PATJ: variants seen among roughly 807,000 people sequenced by gnomAD.
PATJ encodes PATJ crumbs cell polarity complex component.
A neutral mutation model predicts 224.9 loss-of-function variants in PATJ; 190 were observed. The ratio of observed to expected loss-of-function variants is 0.84; its 90% CI spans 0.75 to 0.95. The LOEUF (loss-of-function observed/expected upper bound fraction) is 0.95, where lower values mean the gene tolerates loss of function less well. PATJ is among the 40% of genes least tolerant of loss of function. The probability of loss-of-function intolerance (pLI) is 0.00; values close to 1 mark genes in which losing one functional copy is unlikely to be tolerated. For missense variants in PATJ, 2,121 were observed against 2,270.3 expected, an observed-to-expected ratio of 0.93 and a Z score of 1.34; for synonymous variants, 769 against 820.3, an observed-to-expected ratio of 0.94 and a Z score of 1.07.
At chr1:61,874,943 G>C (rs1198436028) in intron 20 of PATJ, among the ~76,000 whole-genome samples, 1 of 152,164 alleles carries the variant, frequency 6.6e-6, no homozygotes, top group African/African-American at 2.4e-5. Context: ...TGCTTGACTT[G>C]ATAGATCTTT....
intron 28 of PATJ, among the ~76,000 whole-genome samples, chr1:62,000,786 A>G (rs1158330065): frequency 0.16 from 22,754 of 144,060 alleles, 2,225 homozygotes; most frequent in Non-Finnish European, 0.2. Context: ...GACTTCCCCA[A>G]GGGTTGAACT....
intron 41 of PATJ, among the ~76,000 whole-genome samples, chr1:62,135,592 C>T (rs1201674018): frequency 6.6e-6 from 1 of 150,830 alleles, no homozygotes; most frequent in Non-Finnish European, 1.5e-5. Flanking sequence ...GACAAAGACC[C>T]AAGGTTTGAA....
rs113320923 is a variant in PATJ at position 62,128,078 on chromosome 1, G to A, written c.5150G>A (p.Arg1717Gln). Residue 1717 changes from arginine (R) to glutamine (Q), a missense_variant, in exon 40 of 44, where the codon CGG (arginine) becomes CAG (glutamine). Coordinates refer to ENST00000642238, the MANE Select transcript of PATJ (RefSeq NM_001350145.3). ...AMIQASGVAA[R>Q]TQKLKVGDRI... ...ATTCAGGCTAGCGGAGTGGCCGCAC[G>A]GACACAGAAGCTTAAAGTAAACGAG... 1.6e-3 allele frequency: 2,563 copies of A among 1,614,054 alleles called. 18 individuals carry two copies. The African/African-American group carries it at 0.02, about 13-fold the overall frequency.
At chr1:61,863,853 T>C (rs1665001982) in intron 19 of PATJ, among the ~76,000 whole-genome samples, 1 of 152,246 alleles carries the variant, frequency 6.6e-6, no homozygotes, top group African/African-American at 2.4e-5. Context: ...TTTAAGTCTT[T>C]GCTTTCTTAA....
intron 31 of PATJ, among the ~76,000 whole-genome samples, chr1:62,056,325 T>C (rs1654525131): frequency 6.6e-6 from 1 of 152,318 alleles, no homozygotes; most frequent in East Asian, 1.9e-4. Flanking sequence ...AGTTATATAG[T>C]AGTATCATTT....
At position 61,791,368 on chromosome 1, in the gene PATJ, T is replaced by A. The variant is rs755729746; in HGVS notation, c.1089T>A (p.Thr363=). Residue 363 remains threonine, a synonymous_variant, in exon 9 of 44, where the codon ACT becomes ACA. Transcript: ENST00000642238. ...GPGSDSSLFE[T]YNVELVRKDG... is the part of the protein sequence containing the mutation. ...TTTAGGACAGTTCTCTTTTTGAAAC[T>A]TATAATGTTGAGCTTGTGAGAAAAG... 4 of 1,611,184 alleles carry A rather than the reference T, an allele frequency of 2.5e-6. No homozygotes were observed. The South Asian group carries it at 3.3e-5, about 13-fold the overall frequency.
At chr1:62,135,226 T>G in intron 41 of PATJ, among the ~76,000 whole-genome samples, 1 of 152,016 alleles carries the variant, frequency 6.6e-6, no homozygotes, top group East Asian at 1.9e-4. Flanking sequence ...AAAAGCCAAC[T>G]AATGCTTAGG....
At chr1:62,105,368 G>A (rs1306561436) in intron 33 of PATJ, among the ~76,000 whole-genome samples, 2 of 152,158 alleles carry the variant, frequency 1.3e-5, no homozygotes, top group African/African-American at 4.8e-5. Flanking sequence ...CGAGTGTAGT[G>A]TGTGACTCTT....
Position 61,755,039 on chromosome 1 carries a change from C to T in PATJ, c.-35-7819C>T, listed in dbSNP as rs559121372. On this transcript the variant is annotated intron_variant, in intron 1 of 43. Coordinates refer to ENST00000642238, the MANE Select transcript of PATJ (RefSeq NM_001350145.3). The stretch of plus-strand genomic sequence containing the variant: ...GATGGGCAGGGTGCAGTGGCTCACG[C>T]CTGTAATCCCTGGGGGATTACACTT... 2.0e-5 allele frequency among the ~76,000 whole-genome samples: 3 copies of T among 152,148 alleles called. No homozygotes were observed. In the East Asian group the frequency reaches 5.8e-4, roughly 29 times the overall value.
intron 39 of PATJ, among the ~76,000 whole-genome samples, chr1:62,126,564 G>A (rs143224249): frequency 0.013 from 1,986 of 152,260 alleles, 22 homozygotes; most frequent in Non-Finnish European, 0.022. Context: ...CTAATGTGGG[G>A]AAAAAACTGG....
chr1:61,804,373 C>T (rs972887125), intron 12 of PATJ, among the ~76,000 whole-genome samples: 3 of 151,910 alleles, frequency 2.0e-5, no homozygotes, highest in African/African-American at 7.3e-5. Context: ...CTTTAATGTT[C>T]ATTAGTCTTA....
intron 31 of PATJ, among the ~76,000 whole-genome samples, chr1:62,067,116 ATTCT>A (rs1200292417): frequency 7.6e-6 from 1 of 131,914 alleles, no homozygotes; most frequent in African/African-American, 3.2e-5. Context: ...CATAATTCCT[ATTCT>A]TTCTTTTTTT....
At chr1:61,857,738 G>T (rs1343593414) in intron 18 of PATJ, among the ~76,000 whole-genome samples, 1 of 152,172 alleles carries the variant, frequency 6.6e-6, no homozygotes, top group Non-Finnish European at 1.5e-5. Context: ...ATTCTGATAT[G>T]CTCTTCAGGA....
At chr1:61,924,065 G>A (rs1008762684) in intron 26 of PATJ, among the ~76,000 whole-genome samples, 2 of 151,418 alleles carry the variant, frequency 1.3e-5, no homozygotes, top group African/African-American at 4.9e-5. Context: ...GAAAGAATAG[G>A]CAATCAGGAT....
At chr1:61,994,394 A>G (rs760949415) in intron 28 of PATJ, among the ~76,000 whole-genome samples, 1 of 151,876 alleles carries the variant, frequency 6.6e-6, no homozygotes, top group East Asian at 1.9e-4. Flanking sequence ...TTTATTCATA[A>G]TTTTTTTTCA....
chr1:62,012,476 C>CT (rs898412777), intron 28 of PATJ, among the ~76,000 whole-genome samples: 1 of 151,672 alleles, frequency 6.6e-6, no homozygotes, highest in Non-Finnish European at 1.5e-5. Flanking sequence ...TCTTTTTTTT[C>CT]TTTTTTTGCC....
At chr1:61,824,546 C>T (rs1341708749) in intron 15 of PATJ, among the ~76,000 whole-genome samples, 1 of 151,636 alleles carries the variant, frequency 6.6e-6, no homozygotes, top group Non-Finnish European at 1.5e-5. Context: ...CCACCTCAAC[C>T]TCCCGAGTAG....
intron 29 of PATJ, among the ~76,000 whole-genome samples, chr1:62,036,781 A>G (rs1650458800): frequency 6.8e-6 from 1 of 146,444 alleles, no homozygotes; most frequent in Admixed American, 7.0e-5. Flanking sequence ...CTGAGGCAGG[A>G]AAATCGATTG....
intron 39 of PATJ, among the ~76,000 whole-genome samples, chr1:62,124,139 G>C (rs890215312): frequency 6.6e-6 from 1 of 151,846 alleles, no homozygotes; most frequent in African/African-American, 2.4e-5. Flanking sequence ...CTGGAATGCA[G>C]TGGTGCAATC....
Sources: gnomAD v4.1 joint callset for allele counts (sites outside exome capture counted in the v4.1 genomes callset) on GRCh38, gnomAD v4.1.1 for gene constraint, MANE v1.5 for transcripts, NCBI Gene and HGNC (gene_info 2026-07-23, HGNC 2026-07-21) for gene names.